RBFOX1: variants seen among roughly 807,000 people sequenced by gnomAD.
RBFOX1 encodes the protein RNA binding protein fox-1 homolog 1.
In RBFOX1, 8 loss-of-function variants were observed where a neutral mutation model predicts 57.7. The ratio of observed to expected loss-of-function variants is 0.14; its 90% CI spans 0.08 to 0.25. The LOEUF (loss-of-function observed/expected upper bound fraction) is 0.25, where lower values mean the gene tolerates loss of function less well. RBFOX1 is among the 10% of genes least tolerant of loss of function. The probability of loss-of-function intolerance (pLI) is 1.00; values close to 1 mark genes in which losing one functional copy is unlikely to be tolerated. For synonymous variants in RBFOX1, 326 were observed against 222.4 expected, an observed-to-expected ratio of 1.47 and a Z score of -4.15; for missense variants, 611 against 548.5, an observed-to-expected ratio of 1.11 and a Z score of -1.14.
chr16:6,970,094 T>C (rs2085193467), intron 3 of RBFOX1, among the ~76,000 whole-genome samples: 1 of 151,942 alleles, frequency 6.6e-6, no homozygotes, highest in South Asian at 2.1e-4. Context: ...AGGAAGATGA[T>C]TTGAGCCTAG....
chr16:6,497,109 A>ATT (rs1274339021), intron 2 of RBFOX1, among the ~76,000 whole-genome samples: 1 of 152,196 alleles, frequency 6.6e-6, no homozygotes, highest in Non-Finnish European at 1.5e-5. Context: ...TGAGGGAGCA[A>ATT]TTTTAGAGAA....
At chr16:7,274,701 T>TTTTC (rs2095407199) in intron 4 of RBFOX1, among the ~76,000 whole-genome samples, 1 of 152,124 alleles carries the variant, frequency 6.6e-6, no homozygotes, top group African/African-American at 2.4e-5. Flanking sequence ...TTTTATTTTT[T>TTTTC]TGAGGCAAGG....
chr16:6,387,941 C>G (rs184685608), intron 2 of RBFOX1, among the ~76,000 whole-genome samples: 5 of 149,402 alleles, frequency 3.3e-5, no homozygotes, highest in East Asian at 2.0e-4. Context: ...GCATGCGCAC[C>G]TATCAGAACC....
At chr16:5,686,003 C>T (rs954247833) in intron 3 of RBFOX1, among the ~76,000 whole-genome samples, 3 of 152,180 alleles carry the variant, frequency 2.0e-5, no homozygotes, top group Admixed American at 2.0e-4. Flanking sequence ...TACTGTGCAT[C>T]AGTCAGAAGG....
At chr16:6,143,021 C>G (rs533270907) in intron 1 of RBFOX1, among the ~76,000 whole-genome samples, 2 of 152,150 alleles carry the variant, frequency 1.3e-5, no homozygotes, top group East Asian at 3.9e-4. Context: ...CAGCTCGGCT[C>G]TTGGTAGATA....
At chr16:7,398,520 A>C (rs376917468) in intron 4 of RBFOX1, among the ~76,000 whole-genome samples, 16 of 152,258 alleles carry the variant, frequency 1.1e-4, no homozygotes, top group African/African-American at 3.6e-4. Context: ...CCCAGAAAAC[A>C]GAACAGATCT....
intron 4 of RBFOX1, among the ~76,000 whole-genome samples, chr16:7,210,580 C>T (rs946630963): frequency 6.6e-6 from 1 of 151,796 alleles, no homozygotes; most frequent in Non-Finnish European, 1.5e-5. Context: ...CAGGTTGACA[C>T]TTAAGACTGA....
intron 2 of RBFOX1, among the ~76,000 whole-genome samples, chr16:6,565,187 C>G (rs897395133): frequency 6.7e-6 from 1 of 148,618 alleles, no homozygotes; most frequent in African/African-American, 2.5e-5. Context: ...TAACAAAATA[C>G]TACTCATTGT....
chr16:7,642,700 C>T (rs532254508), intron 11 of RBFOX1, among the ~76,000 whole-genome samples: 10 of 151,334 alleles, frequency 6.6e-5, no homozygotes, highest in East Asian at 5.8e-4. Flanking sequence ...TTTTTTTTTC[C>T]GTGGTTTCCC....
intron 2 of RBFOX1, among the ~76,000 whole-genome samples, chr16:5,495,009 G>C (rs576964235): frequency 6.6e-6 from 1 of 152,270 alleles, no homozygotes; most frequent in East Asian, 1.9e-4. Context: ...TAGTGTATTA[G>C]TTCGTTCTCA....
chr16:6,555,203 T>G (rs1229006320), intron 2 of RBFOX1, among the ~76,000 whole-genome samples: 1 of 152,198 alleles, frequency 6.6e-6, no homozygotes, highest in Admixed American at 6.5e-5. Flanking sequence ...GACCAGAGAA[T>G]GTTCCCTGCA....
At chr16:5,687,755 C>G (rs1214897405) in intron 3 of RBFOX1, among the ~76,000 whole-genome samples, 1 of 152,134 alleles carries the variant, frequency 6.6e-6, no homozygotes, top group East Asian at 1.9e-4. Flanking sequence ...AAGAGTTAGC[C>G]TTTCAAATCT....
intron 5 of RBFOX1, among the ~76,000 whole-genome samples, chr16:7,528,497 G>GA (rs948864471): frequency 7.6e-4 from 115 of 152,202 alleles, no homozygotes; most frequent in African/African-American, 2.7e-3. Flanking sequence ...ATTTATGTGA[G>GA]AGAGGGGTCT....
chr16:7,163,250 G>C (rs7199063), intron 4 of RBFOX1, among the ~76,000 whole-genome samples: 139,078 of 152,236 alleles, frequency 0.91, 63,705 homozygotes, highest in East Asian at 1. Flanking sequence ...TGACTATTAC[G>C]TTGTTTGATT....
chr16:6,281,517 G>T (rs924567687), intron 1 of RBFOX1, among the ~76,000 whole-genome samples: 1 of 152,072 alleles, frequency 6.6e-6, no homozygotes, highest in Non-Finnish European at 1.5e-5. Context: ...GCCCCAAAGT[G>T]CTTTGTTCTG....
chr16:5,466,060 T>C (rs1041152946), intron 1 of RBFOX1, among the ~76,000 whole-genome samples: 7 of 152,136 alleles, frequency 4.6e-5, no homozygotes, highest in African/African-American at 1.4e-4. Flanking sequence ...CCCTGAAAGG[T>C]CTGACGTTTT....
chr16:6,837,272 A>T (rs1025704234), intron 3 of RBFOX1, among the ~76,000 whole-genome samples: 1 of 152,216 alleles, frequency 6.6e-6, no homozygotes, highest in African/African-American at 2.4e-5. Context: ...GCGTGCTGCT[A>T]GTCTGTTCCA....
At chr16:7,348,541 T>C (rs925367056) in intron 4 of RBFOX1, among the ~76,000 whole-genome samples, 5 of 152,218 alleles carry the variant, frequency 3.3e-5, no homozygotes, top group African/African-American at 1.2e-4. Flanking sequence ...TCGTATATGA[T>C]ATCCTAAGTA....
intron 4 of RBFOX1, among the ~76,000 whole-genome samples, chr16:5,987,388 A>G (rs1461376224): frequency 6.6e-6 from 1 of 152,172 alleles, no homozygotes; most frequent in East Asian, 1.9e-4. Context: ...TTTAGTCTTG[A>G]TGAAGTCCAA....
Sources: gnomAD v4.1 joint callset for allele counts (sites outside exome capture counted in the v4.1 genomes callset) on GRCh38, gnomAD v4.1.1 for gene constraint, MANE v1.5 for transcripts, NCBI Gene and HGNC (gene_info 2026-07-23, HGNC 2026-07-21) for gene names.